The following KAZN variants were observed in gnomAD, a reference collection of about 807,000 sequenced individuals.
The protein encoded by KAZN is kazrin.
A neutral mutation model predicts 87.4 loss-of-function variants in KAZN; 40 were observed. The ratio of observed to expected loss-of-function variants is 0.46; its 90% CI spans 0.36 to 0.60. KAZN has a LOEUF of 0.60. KAZN is among the 20% of genes least tolerant of loss of function. The pLI, the probability that KAZN is intolerant of heterozygous loss-of-function variation, is 0.00. For missense variants in KAZN, 898 were observed against 1,073.9 expected, an observed-to-expected ratio of 0.84 and a Z score of 2.29; for synonymous variants, 466 against 458.3, an observed-to-expected ratio of 1.02 and a Z score of -0.22.
At chr1:14,954,186 A>C (rs1460986252) in intron 1 of KAZN, among the ~76,000 whole-genome samples, 1 of 152,206 alleles carries the variant, frequency 6.6e-6, no homozygotes, top group Admixed American at 6.5e-5. Context: ...TCCCTGGGGC[A>C]GGAGGGCCAC....
intron 1 of KAZN, chr1:14,692,337 T>A: frequency 2.4e-6 from 1 of 414,262 alleles, no homozygotes; most frequent in Admixed American, 4.4e-5. Flanking sequence ...GGCTCTCATT[T>A]TTTCGATCTT....
chr1:14,339,105 T>G (rs552878755), intron 2 of KAZN, among the ~76,000 whole-genome samples: 55 of 146,130 alleles, frequency 3.8e-4, no homozygotes, highest in Non-Finnish European at 6.4e-4. Flanking sequence ...AGACAGAGAC[T>G]GAGAGAGAGA....
chr1:14,680,483 C>T (rs927598672), intron 1 of KAZN, among the ~76,000 whole-genome samples: 3 of 152,048 alleles, frequency 2.0e-5, no homozygotes, highest in Admixed American at 6.6e-5. Flanking sequence ...TTCTGGGATA[C>T]GTGTGCAGAA....
chr1:14,362,613 G>A (rs555990684), intron 2 of KAZN, among the ~76,000 whole-genome samples: 1 of 152,228 alleles, frequency 6.6e-6, no homozygotes, highest in East Asian at 1.9e-4. Context: ...AAGATACTCT[G>A]GCCCTATTAC....
chr1:14,271,527 CTCTATT>C (rs1289143657), intron 2 of KAZN, among the ~76,000 whole-genome samples: 6 of 152,174 alleles, frequency 3.9e-5, no homozygotes, highest in Admixed American at 6.5e-5. Flanking sequence ...AAATCAAAAT[CTCTATT>C]TCTATTTCTC....
chr1:14,686,488 G>A (rs1640959449), intron 1 of KAZN, among the ~76,000 whole-genome samples: 2 of 152,166 alleles, frequency 1.3e-5, no homozygotes, highest in Admixed American at 6.5e-5. Context: ...ATTCCTTCAT[G>A]GAAAAAGAGA....
At chr1:15,026,907 C>A (rs1402060384) in intron 2 of KAZN, among the ~76,000 whole-genome samples, 1 of 151,828 alleles carries the variant, frequency 6.6e-6, no homozygotes, top group Non-Finnish European at 1.5e-5. Context: ...TTTGCAAATA[C>A]TATGTTTCAT....
chr1:14,359,074 T>C (rs1659279965), intron 2 of KAZN, among the ~76,000 whole-genome samples: 1 of 152,168 alleles, frequency 6.6e-6, no homozygotes, highest in African/African-American at 2.4e-5. Context: ...TTTGTAGGTC[T>C]CTAAGAACTT....
In KAZN at chr1:14,711,341, C is replaced by CAAAA. The variant is rs544767393; in HGVS notation, c.226+112131_226+112134dup. ...GGGCAATATAGAAAGACTCTGTTTC[C>CAAAA]AAAAAAAAAAAAAAAATTGAGGGAA... On this transcript the variant is annotated intron_variant, in intron 1 of 14. Transcript: ENST00000376030. Among the ~76,000 whole-genome samples the CAAAA allele has an allele frequency of 3.7e-3, 420 of 114,796 alleles. 1 individual carries two copies. Among genetic ancestry groups the CAAAA allele is most frequent in the African/African-American group, 0.012 (400 of 32,082 alleles). 75.3% of individuals were successfully genotyped at this position (114,796 alleles called of 152,430 possible).
At chr1:14,774,605 G>C (rs1311895924) in intron 1 of KAZN, among the ~76,000 whole-genome samples, 3 of 151,682 alleles carry the variant, frequency 2.0e-5, no homozygotes, top group Admixed American at 1.3e-4. Context: ...CAAGTAGTTG[G>C]GACTACAGGC....
intron 1 of KAZN, among the ~76,000 whole-genome samples, chr1:14,776,961 G>T (rs540165916): frequency 1.4e-5 from 2 of 146,586 alleles, no homozygotes; most frequent in South Asian, 4.3e-4. Context: ...AAAAAGAGAC[G>T]TCTTTGAAGT....
In KAZN at chr1:14,820,768, T is replaced by C. The variant is rs2100824501; in HGVS notation, c.227-139916T>C. Among the ~76,000 whole-genome samples, 1 of 151,626 alleles carries C rather than the reference T, an allele frequency of 6.6e-6. No homozygotes were observed. The highest frequency in any genetic ancestry group is 1.9e-4 in the East Asian group (1 of 5,154). The stretch of plus-strand genomic sequence containing the variant: ...TAGTCATGGTTTGGTTTGAATGGAG[T>C]AGAAGATTCCAGAGGAAGAGCAGTG... On this transcript the variant is annotated intron_variant, in intron 1 of 14. Transcript: ENST00000376030. This position sits in a 1 kb window ranked among gnomAD's most constrained non-coding sequence, Gnocchi z 4.1.
At chr1:14,727,341 T>A (rs995587544) in intron 1 of KAZN, among the ~76,000 whole-genome samples, 1 of 151,690 alleles carries the variant, frequency 6.6e-6, no homozygotes, top group Non-Finnish European at 1.5e-5. Flanking sequence ...GTCCCCAACC[T>A]TCTTGGCACC....
At chr1:14,245,225 G>C (rs1571126159) in intron 2 of KAZN, among the ~76,000 whole-genome samples, 1 of 151,922 alleles carries the variant, frequency 6.6e-6, no homozygotes, top group Admixed American at 6.6e-5. Context: ...TCGGCCTCAG[G>C]AAAACATGTA....
At chr1:14,825,322 T>A (rs936894130) in intron 1 of KAZN, among the ~76,000 whole-genome samples, 1 of 152,234 alleles carries the variant, frequency 6.6e-6, no homozygotes, top group African/African-American at 2.4e-5. Flanking sequence ...GCTTTTCTCA[T>A]CTGTCCTAGA....
rs1656761109 is a variant in KAZN, at chr1:14,907,662, G to A, written c.227-53022G>A. 2.0e-5 allele frequency among the ~76,000 whole-genome samples: 3 copies of A among 152,282 alleles called. 1 individual carries two copies. Among genetic ancestry groups the A allele is most frequent in the Admixed American group, 1.3e-4 (2 of 15,298 alleles). On this transcript the variant is annotated intron_variant, in intron 1 of 14. Coordinates refer to ENST00000376030, the MANE Select transcript of KAZN (RefSeq NM_201628.3). ...GCTTCCGGAAAGAAGTCTCCTCTGA[G>A]CTGGGTTAGAAGGAAAAGAAAGAAG... is the stretch of plus-strand genomic sequence containing the variant.
At chr1:14,204,936 T>A (rs1646709175) in intron 2 of KAZN, among the ~76,000 whole-genome samples, 1 of 152,252 alleles carries the variant, frequency 6.6e-6, no homozygotes, top group Non-Finnish European at 1.5e-5. Flanking sequence ...TCTCAGCAAC[T>A]TAACTAATAA....
intron 2 of KAZN, among the ~76,000 whole-genome samples, chr1:14,556,387 G>T (rs565206459): frequency 1.3e-5 from 2 of 152,070 alleles, no homozygotes; most frequent in African/African-American, 4.8e-5. Context: ...GGGATTACAG[G>T]TGTGAGCCCC....
Position 14,599,882 on chromosome 1 carries a change from G to C in KAZN, c.226+659G>C, listed in dbSNP as rs1438649821. ...TGTAGACCTCAAAGGTTGAGCGGTA[G>C]AGAAATGAAGGCTTAGGGTGGTGGG... On this transcript the variant is annotated intron_variant, in intron 1 of 14. Coordinates refer to ENST00000376030, the MANE Select transcript of KAZN (RefSeq NM_201628.3). This position sits in a 1 kb window ranked among gnomAD's most constrained non-coding sequence, Gnocchi z 4.4. 1.3e-5 allele frequency among the ~76,000 whole-genome samples: 2 copies of C among 152,048 alleles called. No homozygotes were observed. Among genetic ancestry groups the C allele is most frequent in the African/African-American group, 4.8e-5 (2 of 41,398 alleles).
Sources: allele counts gnomAD v4.1 joint callset (sites outside exome capture counted in the v4.1 genomes callset), GRCh38; gene constraint gnomAD v4.1.1; non-coding constraint Gnocchi (gnomAD v3.1); transcripts MANE v1.5; gene names NCBI Gene and HGNC (gene_info 2026-07-23, HGNC 2026-07-21).